The following DNAH10 variants were observed in gnomAD, a reference collection of about 807,000 sequenced individuals.
DNAH10 encodes the protein dynein axonemal heavy chain 10, also known as axonemal beta dynein heavy chain 10.
In DNAH10, 348 loss-of-function variants were observed where a neutral mutation model predicts 506.6. That is an observed-to-expected ratio of 0.69 (90% CI 0.63 to 0.75). The LOEUF is 0.75. Among genes scored for constraint, DNAH10 ranks in the 30% least tolerant of loss-of-function variants. The pLI is 0.00. For missense variants in DNAH10, 5,179 were observed against 5,787.1 expected (o/e 0.89, Z 3.41); for synonymous variants, 2,059 against 2,198.6 (o/e 0.94, Z 1.78).
Position 123,897,840 on chromosome 12 carries a change from C to T in DNAH10, c.9351C>T (p.Ser3117=), listed in dbSNP as rs976619199. ...AGCATGTTGTCTTGGTTCACCAATC[C>T]GTGGACCACTACAGCCAACAGTTTC... is the stretch of plus-strand genomic sequence containing the variant. ...VVKHVVLVHQ[S]VDHYSQQFLQ... Residue 3117 remains serine (S), a synonymous_variant, in exon 55 of 79, where the codon TCC becomes TCT. Transcript: ENST00000673944. 7 of 1,611,598 alleles carry T rather than the reference C, an allele frequency of 4.3e-6. No homozygotes were observed. Among genetic ancestry groups the T allele is most frequent in the African/African-American group, 1.3e-5 (1 of 74,908 alleles).
Position 123,781,115 on chromosome 12 carries a change from G to A in DNAH10, c.657G>A (p.Arg219=), listed in dbSNP as rs750394356. 3.5e-5 allele frequency: 56 copies of A among 1,613,742 alleles called. No individual in the cohort carries two copies. Among genetic ancestry groups the A allele is most frequent in the Non-Finnish European group, 4.3e-5 (51 of 1,179,892 alleles). Residue 219 remains arginine (R), a synonymous_variant, in exon 6 of 79, where the codon AGG becomes AGA. Coordinates refer to ENST00000673944, the MANE Select transcript of DNAH10 (RefSeq NM_001372106.1). Reference sequence around the variant, plus strand: ...CAGCATTGTCCTTCAATCAGCACAGGACGAGTACAACCGTGGGAGTCACAT... The same window carrying A: ...CAGCATTGTCCTTCAATCAGCACAGAACGAGTACAACCGTGGGAGTCACAT... ...FLPALSFNQH[R]TSTTVGVTSG... is the part of the protein sequence containing the mutation.
chr12:123,877,633 T>G, intron 47 of DNAH10, 103 bp from the exon 48 acceptor site: 4 of 1,419,530 alleles, frequency 2.8e-6, no homozygotes, highest in Non-Finnish European at 3.7e-6. Flanking sequence ...TTCCTTTCTA[T>G]AGCTTAGTAA....
intron 43 of DNAH10, 103 bp downstream of exon 43, chr12:123,868,222 C>T (rs1268166729): frequency 9.3e-7 from 1 of 1,076,592 alleles, no homozygotes; most frequent in Non-Finnish European, 1.3e-6. Context: ...ATGAGTTTTC[C>T]AGATTGTTTG....
chr12:123,928,636 AC>A lies in DNAH10; in HGVS notation c.12306+50del. 1.3e-6 allele frequency: 2 copies of A among 1,537,896 alleles called. No homozygotes were observed. The highest frequency in any genetic ancestry group is 1.8e-6 in the Non-Finnish European group (2 of 1,137,952). On this transcript the variant is annotated intron_variant, in intron 70 of 78. Coordinates refer to ENST00000673944, the MANE Select transcript of DNAH10 (RefSeq NM_001372106.1). This position sits in a 1 kb window ranked among gnomAD's most constrained non-coding sequence, Gnocchi z 4.9. ...ACATGCCAGCACGCAGCTTCTCAGA[AC>A]ACCTGCATGCTGCTCTGGGGCCGGG...
At position 123,867,511 on chromosome 12, in the gene DNAH10, C is replaced by G. The variant is rs750790470; in HGVS notation, c.7212C>G (p.Pro2404=). ...ATAGTCTCTTTGAGAAGTATGTGCC[C>G]TATCTCATGGATGTGATAGTGGAAG... ...NLNSLFEKYV[P]YLMDVIVEGI... Residue 2404 remains proline (P), a synonymous_variant, in exon 42 of 79, where the codon CCC becomes CCG. Coordinates refer to ENST00000673944, the MANE Select transcript of DNAH10 (RefSeq NM_001372106.1). 2.5e-6 allele frequency: 4 copies of G among 1,613,862 alleles called. No individual in the cohort carries two copies. In the East Asian group the frequency reaches 6.7e-5, roughly 27 times the overall value.
chr12:123,823,129 G>GGAGT (rs1327386534), intron 24 of DNAH10, among the ~76,000 whole-genome samples: 1 of 152,222 alleles, frequency 6.6e-6, no homozygotes, highest in Non-Finnish European at 1.5e-5. Context: ...AGGTGGCCTG[G>GGAGT]GAGTGAGGCT....
At chr12:123,809,998 G>A (rs1042266549) in intron 19 of DNAH10, among the ~76,000 whole-genome samples, 3 of 151,904 alleles carry the variant, frequency 2.0e-5, no homozygotes, top group Admixed American at 6.6e-5. Context: ...TTCCTACCAC[G>A]TACCACTCTC....
intron 24 of DNAH10, among the ~76,000 whole-genome samples, chr12:123,825,027 G>A (rs11057368): frequency 0.31 from 47,589 of 151,918 alleles, 9,321 homozygotes; most frequent in East Asian, 0.58. Context: ...ATGAGAATAC[G>A]TCCCTAAAAA....
rs376362773 is a variant in DNAH10 at position 123,909,116 on chromosome 12, G to A, written c.9816-145G>A. On this transcript the variant is annotated intron_variant, in intron 57 of 78. Coordinates refer to ENST00000673944, the MANE Select transcript of DNAH10 (RefSeq NM_001372106.1). The surrounding 1 kb of genome is among the most constrained non-coding windows in gnomAD (Gnocchi z 5.4). Reference sequence around the variant, plus strand: ...GCTCCCGCCCAGGAGTGCGGTTTGTGTTGGGACCTGGCTTCTTTCGTTTGC... The same window carrying A: ...GCTCCCGCCCAGGAGTGCGGTTTGTATTGGGACCTGGCTTCTTTCGTTTGC... 2.3e-5 allele frequency: 26 copies of A among 1,143,570 alleles called. No homozygotes were observed. The highest frequency in any genetic ancestry group is 1.7e-4 in the African/African-American group (11 of 63,976). The allele number at this position is 1,143,570 out of a possible 1,614,324, so 70.8% of individuals were successfully genotyped here.
intron 51 of DNAH10, among the ~76,000 whole-genome samples, chr12:123,882,997 G>T (rs971058685): frequency 4.6e-5 from 7 of 152,042 alleles, no homozygotes; most frequent in Non-Finnish European, 1.0e-4. Flanking sequence ...TTTGTGTCTG[G>T]TATCTTTCTT....
chr12:123,777,906 G>A (rs988579125), intron 5 of DNAH10, among the ~76,000 whole-genome samples: 1 of 152,018 alleles, frequency 6.6e-6, no homozygotes, highest in Non-Finnish European at 1.5e-5. Context: ...CAAGTGATCT[G>A]CCCTCCTCGG....
At position 123,926,218 on chromosome 12, in the gene DNAH10, G is replaced by A. The variant is rs1486012662; in HGVS notation, c.11922-419G>A. On this transcript the variant is annotated intron_variant, in intron 68 of 78. Transcript: ENST00000673944. This position sits in a 1 kb window ranked among gnomAD's most constrained non-coding sequence, Gnocchi z 4.1. ...TGTACTCCAGCCTGGGCAACAGAGT[G>A]AGATTATATATTTCAATTTAAAAAA... The A allele has an allele frequency of 1.3e-5, 2 of 148,462 alleles. No homozygotes were observed. Among genetic ancestry groups the A allele is most frequent in the East Asian group, 3.9e-4 (2 of 5,086 alleles). 9.2% of individuals were successfully genotyped at this position (148,462 alleles called of 1,614,324 possible).
intron 8 of DNAH10, among the ~76,000 whole-genome samples, chr12:123,784,731 C>G (rs1957786030): frequency 6.6e-6 from 1 of 152,212 alleles, no homozygotes; most frequent in African/African-American, 2.4e-5. Flanking sequence ...TAAACACTAA[C>G]TCCCCCTTCT....
chr12:123,813,419 C>T lies in DNAH10; in HGVS notation c.3400C>T (p.Pro1134Ser). 1 of 1,614,162 alleles carries T rather than the reference C, an allele frequency of 6.2e-7. No homozygotes were observed. Among genetic ancestry groups the T allele is most frequent in the Non-Finnish European group, 8.5e-7 (1 of 1,180,020 alleles). The stretch of plus-strand genomic sequence containing the variant: ...GATGGAGAAATTTGCTGCCAAGAAA[C>T]CTCCTTGTGTAGCATATGATGAAAA... ...IVMEKFAAKK[P>S]PCVAYDEKLQ... The change falls in exon 20 of 79, where the codon CCT becomes TCT. Residue 1134 changes from proline (P) to serine (S), a missense_variant. Transcript: ENST00000673944.
At chr12:123,934,808 C>T in intron 78 of DNAH10, 42 bp downstream of exon 78, 1 of 1,609,970 alleles carries the variant, frequency 6.2e-7, no homozygotes. Flanking sequence ...AGGGCCCTTC[C>T]TCTTCTGACT....
intron 47 of DNAH10, among the ~76,000 whole-genome samples, chr12:123,877,458 C>T (rs936788584): frequency 5.3e-5 from 8 of 152,034 alleles, no homozygotes; most frequent in African/African-American, 1.7e-4. Flanking sequence ...ATTACAGGTG[C>T]GCACCACCAT....
At chr12:123,880,081 T>A (rs1952438528) in intron 50 of DNAH10, among the ~76,000 whole-genome samples, 1 of 152,206 alleles carries the variant, frequency 6.6e-6, no homozygotes, top group Non-Finnish European at 1.5e-5. Flanking sequence ...GGGAACCACT[T>A]GTTTGACTCC....
In DNAH10 at chr12:123,928,284, T is replaced by C; in HGVS notation, c.12106-103T>C. The stretch of plus-strand genomic sequence containing the variant: ...TCCTCGGCTTGCTTTTGGCTTCTGC[T>C]GGAGCTGCCATCGCCCTTCTGTGGG... On this transcript the variant is annotated intron_variant, in intron 69 of 78. Transcript: ENST00000673944. This position sits in a 1 kb window ranked among gnomAD's most constrained non-coding sequence, Gnocchi z 4.9. 1 of 1,305,334 alleles carries C rather than the reference T, an allele frequency of 7.7e-7. No homozygotes were observed. Among genetic ancestry groups the C allele is most frequent in the Non-Finnish European group, 1.0e-6 (1 of 960,320 alleles). The allele number at this position is 1,305,334 out of a possible 1,614,324, so 80.9% of individuals were successfully genotyped here. A position where few individuals can be genotyped will look rare whatever the true frequency, so the allele number is the denominator to read the frequency against.
intron 53 of DNAH10, 27 bp from the exon 54 acceptor site, chr12:123,894,616 T>C (rs1024137359): frequency 6.2e-7 from 1 of 1,606,876 alleles, no homozygotes; most frequent in Non-Finnish European, 8.5e-7. Flanking sequence ...GCTGGGAGCA[T>C]CTTTTTAATC....
Sources: allele counts gnomAD v4.1 joint callset (sites outside exome capture counted in the v4.1 genomes callset), GRCh38; gene constraint gnomAD v4.1.1; non-coding constraint Gnocchi (gnomAD v3.1); transcripts MANE v1.5; gene names NCBI Gene and HGNC (gene_info 2026-07-23, HGNC 2026-07-21).